The following REXO1 variants were observed in gnomAD, a reference collection of about 807,000 sequenced individuals.
The protein encoded by REXO1 is REX1, RNA exonuclease 1 homolog.
REXO1 carries 42 observed loss-of-function variants against 102.6 expected under a neutral mutation model. The ratio of observed to expected loss-of-function variants is 0.41; its 90% CI spans 0.32 to 0.53. The LOEUF (loss-of-function observed/expected upper bound fraction) is 0.53. Ranked by LOEUF, REXO1 falls within the 20% of genes least tolerant of loss-of-function variation. The pLI is 0.27. For synonymous variants in REXO1, 908 were observed against 779.1 expected, an observed-to-expected ratio of 1.17 and a Z score of -2.76; for missense variants, 1,819 against 1,732.5, an observed-to-expected ratio of 1.05 and a Z score of -0.89.
rs1163416695 is a variant in REXO1 at position 1,828,259 on chromosome 19, C to T, written c.530G>A (p.Gly177Asp). 1 of 1,606,338 alleles carries T rather than the reference C, an allele frequency of 6.2e-7. No individual in the cohort carries two copies. The highest frequency in any genetic ancestry group is 2.2e-5 in the East Asian group (1 of 44,730). ...PTPLAAPAEPGSKYSLASLDR... is the reference protein window; with the variant it reads ...PTPLAAPAEPDSKYSLASLDR... ...CAGGGACGCCAGCGAGTACTTGCTG[C>T]CCGGCTCGGCAGGGGCGGCCAGTGG... The change falls in exon 2 of 16, where the codon GGC becomes GAC. Residue 177 changes from glycine to aspartate, a missense_variant. Coordinates refer to ENST00000170168, the MANE Select transcript of REXO1 (RefSeq NM_020695.4).
At chr19:1,837,397 G>A (rs1463421988) in intron 1 of REXO1, among the ~76,000 whole-genome samples, 1 of 152,172 alleles carries the variant, frequency 6.6e-6, no homozygotes, top group Non-Finnish European at 1.5e-5. Flanking sequence ...ATAGGAACCC[G>A]CTGCTCAGAG....
chr19:1,832,516 G>C (rs187047423), intron 1 of REXO1, among the ~76,000 whole-genome samples: 4 of 152,314 alleles, frequency 2.6e-5, no homozygotes, highest in South Asian at 2.1e-4. Context: ...GCCTGGTCAC[G>C]GGCAGCTGCC....
intron 1 of REXO1, among the ~76,000 whole-genome samples, chr19:1,845,521 A>G (rs1342293190): frequency 6.6e-6 from 1 of 152,030 alleles, no homozygotes; most frequent in African/African-American, 2.4e-5. Flanking sequence ...AACATTAGCG[A>G]GGTGTGATGT....
intron 4 of REXO1, 74 bp from the exon 5 acceptor site, chr19:1,821,756 G>A (rs141209148): frequency 1.6e-5 from 23 of 1,422,330 alleles, no homozygotes; most frequent in South Asian, 7.4e-5. Context: ...CCAGGCAGCC[G>A]CGGCCGCTCA....
rs746782413 is a variant in REXO1, at chr19:1,820,428, G to A, written c.2395-33C>T. 8 of 1,609,520 alleles carry A rather than the reference G, an allele frequency of 5.0e-6. 2 individuals carry two copies. The African/African-American group carries it at 1.1e-4, about 22-fold the overall frequency. On this transcript the variant is annotated intron_variant, in intron 5 of 15. Coordinates refer to ENST00000170168, the MANE Select transcript of REXO1 (RefSeq NM_020695.4). ...GAAGGCAAAAGCTGCCATGGGTGAGGGCCTCCACAAGGCCTCCAGCGGGGA... is the reference window on the plus strand; with the variant it reads ...GAAGGCAAAAGCTGCCATGGGTGAGAGCCTCCACAAGGCCTCCAGCGGGGA...
intron 5 of REXO1, among the ~76,000 whole-genome samples, chr19:1,821,217 C>T (rs933562636): frequency 3.3e-5 from 5 of 149,950 alleles, no homozygotes; most frequent in East Asian, 2.0e-4. Flanking sequence ...TGGTGGCGGG[C>T]GCCTGTAGTC....
chr19:1,817,003 T>G (rs370187693), intron 12 of REXO1, among the ~76,000 whole-genome samples, 190 bp from the exon 13 acceptor site: 175 of 152,224 alleles, frequency 1.1e-3, no homozygotes, highest in African/African-American at 4.1e-3. Context: ...CTGCCTCCCA[T>G]TCAGAGGCAG....
intron 1 of REXO1, among the ~76,000 whole-genome samples, chr19:1,831,936 A>G (rs1216859808): frequency 6.6e-6 from 1 of 151,218 alleles, no homozygotes; most frequent in Non-Finnish European, 1.5e-5. Flanking sequence ...CACACCCACC[A>G]GCAGAACAAA....
chr19:1,817,385 G>GGCA (rs909701959), intron 11 of REXO1, 56 bp from the exon 12 acceptor site: 2 of 1,598,782 alleles, frequency 1.3e-6, no homozygotes, highest in South Asian at 1.1e-5. Context: ...GGGCGGGGGT[G>GGCA]GCAGCAGCAG....
chr19:1,831,134 T>C (rs1201942500), intron 1 of REXO1, among the ~76,000 whole-genome samples: 2 of 152,180 alleles, frequency 1.3e-5, no homozygotes, highest in Non-Finnish European at 2.9e-5. Flanking sequence ...CCTTCATTTA[T>C]GCTGCACCCA....
intron 5 of REXO1, among the ~76,000 whole-genome samples, chr19:1,820,657 A>G (rs1344574253): frequency 6.6e-6 from 1 of 152,228 alleles, no homozygotes; most frequent in Non-Finnish European, 1.5e-5. Context: ...CAATTTTCCT[A>G]GAAACCTAAA....
At position 1,827,786 on chromosome 19, in the gene REXO1, G is replaced by C; in HGVS notation, c.1003C>G (p.Arg335Gly). The change falls in exon 2 of 16, where the codon CGG becomes GGG. Residue 335 changes from arginine to glycine, a missense_variant. Arg to Gly is a moderately radical substitution (Grantham distance 125, BLOSUM62 -2). Transcript: ENST00000170168. ...EGLEAEGGGL[R>G]ETKETAVQCD... ...TGCACGGCCGTCTCCTTGGTCTCCC[G>C]CAGGCCGCCCCCCTCGGCCTCCAGG... 2 of 1,588,726 alleles carry C rather than the reference G, an allele frequency of 1.3e-6. No individual in the cohort carries two copies. The highest frequency in any genetic ancestry group is 1.7e-6 in the Non-Finnish European group (2 of 1,173,364).
At position 1,825,492 on chromosome 19, in the gene REXO1, T is replaced by TC. The variant is rs988028769; in HGVS notation, c.2016+346_2016+347insG. On this transcript the variant is annotated intron_variant, in intron 3 of 15. Coordinates refer to ENST00000170168, the MANE Select transcript of REXO1 (RefSeq NM_020695.4). Reference sequence around the variant, plus strand: ...CCCCTTTTTTTATAATTTTTTTTTTTTGAGACAGAGTCTTGCTCTATCACC... The same window carrying TC: ...CCCCTTTTTTTATAATTTTTTTTTTTCTGAGACAGAGTCTTGCTCTATCACC... 5.6e-4 allele frequency among the ~76,000 whole-genome samples: 85 copies of TC among 151,244 alleles called. 1 individual carries two copies. Among genetic ancestry groups the TC allele is most frequent in the South Asian group, 1.0e-3 (5 of 4,768 alleles).
chr19:1,818,890 G>A (rs753159380), intron 8 of REXO1, 47 bp from the exon 9 acceptor site: 1 of 1,597,430 alleles, frequency 6.3e-7, no homozygotes, highest in Non-Finnish European at 8.5e-7. Context: ...TGGCCCACGG[G>A]GCGGTAGACA....
intron 4 of REXO1, chr19:1,822,679 TC>T (rs1190051393): frequency 6.6e-6 from 1 of 152,290 alleles, no homozygotes; most frequent in Non-Finnish European, 1.5e-5. Context: ...TGATTTCCCC[TC>T]CCTGGGGCTA....
At chr19:1,845,669 T>C (rs2011503840) in intron 1 of REXO1, among the ~76,000 whole-genome samples, 1 of 152,024 alleles carries the variant, frequency 6.6e-6, no homozygotes, top group Admixed American at 6.6e-5. Context: ...GTCTCAAAAA[T>C]TAATTCATTA....
intron 3 of REXO1, among the ~76,000 whole-genome samples, chr19:1,825,314 A>AC (rs1386978690): frequency 1.7e-4 from 24 of 141,488 alleles, no homozygotes; most frequent in East Asian, 1.3e-3. Context: ...AAAAAAAAAA[A>AC]AAAAAAAACA....
At chr19:1,838,183 T>C (rs1193554618) in intron 1 of REXO1, among the ~76,000 whole-genome samples, 1 of 151,266 alleles carries the variant, frequency 6.6e-6, no homozygotes, top group East Asian at 1.9e-4. Flanking sequence ...TAGCCGGGTG[T>C]GGGGGTGCCT....
chr19:1,817,372 T>TGG (rs780447812), intron 11 of REXO1, 43 bp from the exon 12 acceptor site: 2 of 1,604,280 alleles, frequency 1.2e-6, no homozygotes. Context: ...CGGGGTGCAG[T>TGG]GGGGGCGGGG....
Sources: gnomAD v4.1 joint callset for allele counts (sites outside exome capture counted in the v4.1 genomes callset) on GRCh38, gnomAD v4.1.1 for gene constraint, MANE v1.5 for transcripts, NCBI Gene and HGNC (gene_info 2026-07-23, HGNC 2026-07-21) for gene names.